The following LEP variants were observed in gnomAD, a reference collection of about 807,000 sequenced individuals.
LEP encodes the protein leptin (murine obesity homolog).
Under a neutral mutation model 9.8 loss-of-function variants are expected in LEP, and 6 were observed. The ratio of observed to expected loss-of-function variants is 0.61; its 90% CI spans 0.34 to 1.21. LEP has a LOEUF of 1.21. LEP is among the 50% of genes most tolerant of loss of function. The probability of loss-of-function intolerance (pLI) is 0.04; values close to 1 mark genes in which losing one functional copy is unlikely to be tolerated. For missense variants in LEP, 134 were observed against 198.1 expected (o/e 0.68, Z 1.94); for synonymous variants, 112 against 81.7 (o/e 1.37, Z -2.00).
intron 1 of LEP, among the ~76,000 whole-genome samples, chr7:128,242,764 T>C (rs993968729): frequency 1.3e-5 from 2 of 152,202 alleles, no homozygotes; most frequent in Non-Finnish European, 2.9e-5. Context: ...GAAGTTGCAA[T>C]GAATTCCTGC....
intron 1 of LEP, among the ~76,000 whole-genome samples, chr7:128,243,556 C>T (rs970605506): frequency 6.6e-6 from 1 of 152,114 alleles, no homozygotes; most frequent in Admixed American, 6.5e-5. Context: ...AATCCTGGCC[C>T]ACCTGGGTGC....
intron 1 of LEP, among the ~76,000 whole-genome samples, chr7:128,249,342 C>T (rs1342491710): frequency 2.0e-5 from 3 of 152,230 alleles, no homozygotes; most frequent in Admixed American, 1.3e-4. Context: ...GAACCGAGCT[C>T]CTGCAGCTCC....
At position 128,254,619 on chromosome 7, in the gene LEP, C is replaced by T. The variant is rs768219399; in HGVS notation, c.360C>T (p.Pro120=). ...CCTTCTCTAAGAGCTGCCACTTGCC[C>T]TGGGCCAGTGGCCTGGAGACCTTGG... ...VLAFSKSCHL[P]WASGLETLDS... The change falls in exon 3 of 3, where the codon CCC becomes CCT. Residue 120 remains proline (P), a synonymous_variant. Coordinates refer to ENST00000308868, the MANE Select transcript of LEP (RefSeq NM_000230.3). 3 of 1,614,074 alleles carry T rather than the reference C, an allele frequency of 1.9e-6. No individual in the cohort carries two copies. The highest frequency in any genetic ancestry group is 4.5e-5 in the East Asian group (2 of 44,868).
At chr7:128,245,646 A>G (rs1795202154) in intron 1 of LEP, among the ~76,000 whole-genome samples, 1 of 152,160 alleles carries the variant, frequency 6.6e-6, no homozygotes, top group African/African-American at 2.4e-5. Context: ...AGCAAATACC[A>G]TGTTACCTGA....
At position 128,257,476 on chromosome 7, in the gene LEP, G is replaced by A. The variant is rs1030645170; in HGVS notation, c.*2713G>A. ...CCCAGCCACTCGGGAGGCTGAGACAGGAGAATCGCTTAAACCTGGGAGGCG... is the reference window on the plus strand; with the variant it reads ...CCCAGCCACTCGGGAGGCTGAGACAAGAGAATCGCTTAAACCTGGGAGGCG... On this transcript the variant is annotated 3_prime_UTR_variant, in exon 3 of 3. Coordinates refer to ENST00000308868, the MANE Select transcript of LEP (RefSeq NM_000230.3). The A allele has an allele frequency of 9.3e-5, 14 of 151,346 alleles. No homozygotes were observed. The highest frequency in any genetic ancestry group is 3.2e-4 in the African/African-American group (13 of 41,118). 9.4% of individuals were successfully genotyped at this position (151,346 alleles called of 1,614,324 possible).
At chr7:128,246,996 C>A (rs1209174837) in intron 1 of LEP, among the ~76,000 whole-genome samples, 1 of 152,298 alleles carries the variant, frequency 6.6e-6, no homozygotes, top group African/African-American at 2.4e-5. Context: ...TGTGAGCCCA[C>A]CATCTTCCTA....
chr7:128,255,023 C>T lies in LEP; in HGVS notation c.*260C>T, dbSNP rs1795321009. On this transcript the variant is annotated 3_prime_UTR_variant, in exon 3 of 3. Coordinates refer to ENST00000308868, the MANE Select transcript of LEP (RefSeq NM_000230.3). ...AAAGAGTGGGCTGCATCTGGGATTC[C>T]CACCAAGGTCTTCAGCCATCAACAA... 1 of 502,824 alleles carries T rather than the reference C, an allele frequency of 2.0e-6. No individual in the cohort carries two copies. Among genetic ancestry groups the T allele is most frequent in the South Asian group, 2.1e-5 (1 of 48,712 alleles). The allele number at this position is 502,824 out of a possible 1,614,324, so 31.1% of individuals were successfully genotyped here. A position where few individuals can be genotyped will look rare whatever the true frequency, so the allele number is the denominator to read the frequency against.
intron 1 of LEP, among the ~76,000 whole-genome samples, chr7:128,244,958 C>T (rs1486694108): frequency 1.3e-5 from 2 of 152,164 alleles, no homozygotes; most frequent in African/African-American, 2.4e-5. Context: ...AGAGCCTCTT[C>T]GTCTCTTGCC....
At chr7:128,250,808 T>C (rs1584605734) in intron 1 of LEP, among the ~76,000 whole-genome samples, 1 of 152,192 alleles carries the variant, frequency 6.6e-6, no homozygotes, top group East Asian at 1.9e-4. Flanking sequence ...GTCATCCTAA[T>C]ATTTACTTAC....
Position 128,252,045 on chromosome 7 carries a change from C to T in LEP, c.27C>T (p.Phe9=). 1 of 1,614,230 alleles carries T rather than the reference C, an allele frequency of 6.2e-7. No homozygotes were observed. Among genetic ancestry groups the T allele is most frequent in the Non-Finnish European group, 8.5e-7 (1 of 1,180,044 alleles). Residue 9 remains phenylalanine (F), a synonymous_variant, in exon 2 of 3, where the codon TTC becomes TTT. Coordinates refer to ENST00000308868, the MANE Select transcript of LEP (RefSeq NM_000230.3). Reference sequence around the variant, plus strand: ...TGCATTGGGGAACCCTGTGCGGATTCTTGTGGCTTTGGCCCTATCTTTTCT... The same window carrying T: ...TGCATTGGGGAACCCTGTGCGGATTTTTGTGGCTTTGGCCCTATCTTTTCT... MHWGTLCG[F]LWLWPYLFYV...
rs374067243 is a variant in LEP, at chr7:128,246,726, G to T, written c.-28-5265G>T. On this transcript the variant is annotated intron_variant, in intron 1 of 2. Coordinates refer to ENST00000308868, the MANE Select transcript of LEP (RefSeq NM_000230.3). The stretch of plus-strand genomic sequence containing the variant: ...GATCCTCCTGCCTTGGCCTCCCAAA[G>T]CCCTGGGATTATAGGCTGAGCCACC... Among the ~76,000 whole-genome samples, 9 of 152,108 alleles carry T rather than the reference G, an allele frequency of 5.9e-5. No individual in the cohort carries two copies. In the East Asian group the frequency reaches 1.4e-3, roughly 23 times the overall value.
intron 1 of LEP, among the ~76,000 whole-genome samples, chr7:128,242,506 C>G (rs1024570732): frequency 6.6e-6 from 1 of 152,178 alleles, no homozygotes; most frequent in Non-Finnish European, 1.5e-5. Flanking sequence ...GAAGGCCACA[C>G]TGATCATTTC....
At chr7:128,250,860 G>A (rs1795266994) in intron 1 of LEP, among the ~76,000 whole-genome samples, 1 of 152,096 alleles carries the variant, frequency 6.6e-6, no homozygotes, top group Admixed American at 6.5e-5. Context: ...TACTTAGCAT[G>A]GATCATTGGC....
At chr7:128,252,892 T>A (rs1345658135) in intron 2 of LEP, among the ~76,000 whole-genome samples, 2 of 151,904 alleles carry the variant, frequency 1.3e-5, no homozygotes, top group African/African-American at 2.4e-5. Context: ...CTCTAATTTT[T>A]AAAAAAATAA....
rs977459953 is a variant in LEP at position 128,255,519 on chromosome 7, G to A, written c.*756G>A. 6.6e-6 allele frequency: 1 copy of A among 152,326 alleles called. No individual in the cohort carries two copies. The highest frequency in any genetic ancestry group is 1.5e-5 in the Non-Finnish European group (1 of 68,142). 9.4% of individuals were successfully genotyped at this position (152,326 alleles called of 1,614,324 possible). A position where few individuals can be genotyped will look rare whatever the true frequency, so the allele number is the denominator to read the frequency against. On this transcript the variant is annotated 3_prime_UTR_variant, in exon 3 of 3. Transcript: ENST00000308868. ...ACATCACAGTGTTTGCAATGGTGTT[G>A]CCCTGAGTGGATCTCCAAGGACCAG...
Position 128,254,861 on chromosome 7 carries a change from TTATC to T in LEP, c.*99_*102del. 7.5e-7 allele frequency: 1 copy of T among 1,336,586 alleles called. No individual in the cohort carries two copies. The highest frequency in any genetic ancestry group is 1.2e-5 in the South Asian group (1 of 82,338). The allele number at this position is 1,336,586 out of a possible 1,614,324, so 82.8% of individuals were successfully genotyped here. On this transcript the variant is annotated 3_prime_UTR_variant, in exon 3 of 3. Transcript: ENST00000308868. Reference sequence around the variant, plus strand: ...TTGAAGAGCATTGCATGGACACCCCTTATCCAGGACTCTGTCAATTTCCCTGACT... The same window carrying T: ...TTGAAGAGCATTGCATGGACACCCCTCAGGACTCTGTCAATTTCCCTGACT...
Position 128,254,612 on chromosome 7 carries a change from A to T in LEP, c.353A>T (p.His118Leu). ...LHVLAFSKSCHLPWASGLETL... is the reference protein window; with the variant it reads ...LHVLAFSKSCLLPWASGLETL... ...GTGCTGGCCTTCTCTAAGAGCTGCCACTTGCCCTGGGCCAGTGGCCTGGAG... is the reference window on the plus strand; with the variant it reads ...GTGCTGGCCTTCTCTAAGAGCTGCCTCTTGCCCTGGGCCAGTGGCCTGGAG... Residue 118 changes from histidine (H) to leucine (L), a missense_variant, in exon 3 of 3, where the codon CAC becomes CTC. Coordinates refer to ENST00000308868, the MANE Select transcript of LEP (RefSeq NM_000230.3). The T allele has an allele frequency of 6.2e-7, 1 of 1,614,142 alleles. No individual in the cohort carries two copies. The highest frequency in any genetic ancestry group is 2.2e-5 in the East Asian group (1 of 44,858).
intron 1 of LEP, among the ~76,000 whole-genome samples, chr7:128,247,598 G>T (rs560548660): frequency 6.6e-6 from 1 of 152,188 alleles, no homozygotes; most frequent in South Asian, 2.1e-4. Context: ...TGCCAGGGCT[G>T]CCCTCTCCTC....
rs758826659 is a variant in LEP, at chr7:128,254,586, C to A, written c.327C>A (p.His109Gln). 1.2e-6 allele frequency: 2 copies of A among 1,614,170 alleles called. No individual in the cohort carries two copies. The highest frequency in any genetic ancestry group is 2.2e-5 in the South Asian group (2 of 91,086). Reference sequence around the variant, plus strand: ...TGGAGAACCTCCGGGATCTTCTTCACGTGCTGGCCTTCTCTAAGAGCTGCC... The same window carrying A: ...TGGAGAACCTCCGGGATCTTCTTCAAGTGCTGGCCTTCTCTAAGAGCTGCC... The part of the protein sequence containing the change: ...NDLENLRDLL[H>Q]VLAFSKSCHL... Residue 109 changes from histidine to glutamine, a missense_variant, in exon 3 of 3, where the codon CAC becomes CAA. By Grantham distance (24) the His-to-Gln change is conservative. Coordinates refer to ENST00000308868, the MANE Select transcript of LEP (RefSeq NM_000230.3).
Sources: gnomAD v4.1 joint callset for allele counts (sites outside exome capture counted in the v4.1 genomes callset) on GRCh38, gnomAD v4.1.1 for gene constraint, MANE v1.5 for transcripts, NCBI Gene and HGNC (gene_info 2026-07-23, HGNC 2026-07-21) for gene names.